RAB21: variants seen among roughly 807,000 people sequenced by gnomAD.
RAB21 encodes the protein ras-related protein Rab-21.
Under a neutral mutation model 33.1 loss-of-function variants are expected in RAB21, and 13 were observed. The observed-to-expected ratio is 0.39, with a 90% CI of 0.26 to 0.62. The LOEUF is 0.62. Among genes scored for constraint, RAB21 ranks in the 20% least tolerant of loss-of-function variants. The pLI is 0.48. For missense variants in RAB21, 234 were observed against 279.1 expected (o/e 0.84, Z 1.15); for synonymous variants, 91 against 103.7 (o/e 0.88, Z 0.74).
chr12:71,758,547 T>C (rs962282339), intron 1 of RAB21, among the ~76,000 whole-genome samples: 4 of 151,864 alleles, frequency 2.6e-5, no homozygotes, highest in African/African-American at 9.7e-5. Flanking sequence ...AGTGGTGATA[T>C]CATAGCTGCC....
chr12:71,767,566 G>T (rs1040931878), intron 1 of RAB21, among the ~76,000 whole-genome samples: 1 of 152,032 alleles, frequency 6.6e-6, no homozygotes, highest in African/African-American at 2.4e-5. Flanking sequence ...CATGCAGAGC[G>T]GGGTGTAAGG....
At chr12:71,756,145 G>A (rs1882782551) in intron 1 of RAB21, among the ~76,000 whole-genome samples, 3 of 152,100 alleles carry the variant, frequency 2.0e-5, no homozygotes, top group African/African-American at 7.2e-5. Context: ...TACCAATTTG[G>A]TCAAAGGCAG....
At chr12:71,782,312 T>A (rs1199333661) in intron 5 of RAB21, 1 of 551,010 alleles carries the variant, frequency 1.8e-6, no homozygotes, top group African/African-American at 1.9e-5. Context: ...AAAACTATCA[T>A]GATCAAATAG....
At chr12:71,759,371 C>T (rs1279422323) in intron 1 of RAB21, among the ~76,000 whole-genome samples, 2 of 152,200 alleles carry the variant, frequency 1.3e-5, no homozygotes, top group South Asian at 2.1e-4. Context: ...TTATTAAAGA[C>T]TATGAAAGAA....
intron 1 of RAB21, among the ~76,000 whole-genome samples, chr12:71,759,506 G>A (rs1436792062): frequency 6.6e-6 from 1 of 152,208 alleles, no homozygotes; most frequent in Non-Finnish European, 1.5e-5. Flanking sequence ...GGCCATGCAT[G>A]GGCCACAGGC....
At chr12:71,777,363 G>A (rs555195761) in intron 4 of RAB21, among the ~76,000 whole-genome samples, 1 of 152,144 alleles carries the variant, frequency 6.6e-6, no homozygotes, top group African/African-American at 2.4e-5. Context: ...CCTTTATGTT[G>A]TATATAGTTG....
intron 6 of RAB21, 38 bp from the exon 7 acceptor site, chr12:71,785,493 T>C: frequency 6.2e-7 from 1 of 1,605,150 alleles, no homozygotes; most frequent in Non-Finnish European, 8.5e-7. Flanking sequence ...AACACAAATA[T>C]TGTGGTCCTA....
Position 71,794,143 on chromosome 12 carries a change from G to A in RAB21, c.*8470G>A, listed in dbSNP as rs533332222. ...AGGCTGAGATGGGAGGATTGCTTGA[G>A]CCTGGGAGTTAGAGGATGCAATGAG... On this transcript the variant is annotated 3_prime_UTR_variant, in exon 7 of 7. Transcript: ENST00000261263. 6.6e-6 allele frequency: 1 copy of A among 152,042 alleles called. No homozygotes were observed. Among genetic ancestry groups the A allele is most frequent in the South Asian group, 2.1e-4 (1 of 4,810 alleles). The allele number at this position is 152,042 out of a possible 1,614,324, so 9.4% of individuals were successfully genotyped here.
At chr12:71,763,087 T>C (rs982512549) in intron 1 of RAB21, among the ~76,000 whole-genome samples, 3 of 111,290 alleles carry the variant, frequency 2.7e-5, no homozygotes, top group African/African-American at 8.7e-5. Context: ...CTAGCAAGAA[T>C]ATTTATTTTG....
At chr12:71,769,917 T>TA in intron 2 of RAB21, 58 bp downstream of exon 2, 1 of 929,452 alleles carries the variant, frequency 1.1e-6, no homozygotes, top group Non-Finnish European at 1.5e-6. Flanking sequence ...TCTTTTTTTT[T>TA]AAAGTTAATT....
At position 71,790,332 on chromosome 12, in the gene RAB21, C is replaced by A. The variant is rs948993921; in HGVS notation, c.*4659C>A. ...CTTTCTGGCAACTGTATCATCTCTT[C>A]ACTATCACGTATTTTAAGAAAAAGC... On this transcript the variant is annotated 3_prime_UTR_variant, in exon 7 of 7. Transcript: ENST00000261263. The A allele has an allele frequency of 1.3e-5, 2 of 152,194 alleles. No homozygotes were observed. The highest frequency in any genetic ancestry group is 2.9e-5 in the Non-Finnish European group (2 of 68,030). The allele number at this position is 152,194 out of a possible 1,614,324, so 9.4% of individuals were successfully genotyped here. A position where few individuals can be genotyped will look rare whatever the true frequency, so the allele number is the denominator to read the frequency against.
intron 3 of RAB21, among the ~76,000 whole-genome samples, chr12:71,773,018 G>A (rs1883066534): frequency 6.6e-6 from 1 of 152,222 alleles, no homozygotes; most frequent in African/African-American, 2.4e-5. Context: ...GGAATTTACA[G>A]ATATATGTGT....
At chr12:71,764,568 C>A (rs577485051) in intron 1 of RAB21, among the ~76,000 whole-genome samples, 8 of 152,196 alleles carry the variant, frequency 5.3e-5, no homozygotes, top group Non-Finnish European at 7.4e-5. Flanking sequence ...GAGCAGTGTA[C>A]ACCATATTCA....
rs1438514871 is a variant in RAB21 at position 71,797,620 on chromosome 12, T to A, written c.*11947T>A. The A allele has an allele frequency of 2.3e-5, 3 of 127,740 alleles. No homozygotes were observed. In the South Asian group the frequency reaches 7.7e-4, roughly 33 times the overall value. 7.9% of individuals were successfully genotyped at this position (127,740 alleles called of 1,614,324 possible). On this transcript the variant is annotated 3_prime_UTR_variant, in exon 7 of 7. Transcript: ENST00000261263. Reference sequence around the variant, plus strand: ...TAGATCGCTGATTCCAAAGTTTCTTTGAGGAAAAAAAAAAAAAAAAGCAAG... The same window carrying A: ...TAGATCGCTGATTCCAAAGTTTCTTAGAGGAAAAAAAAAAAAAAAAGCAAG...
At position 71,791,972 on chromosome 12, in the gene RAB21, C is replaced by G. The variant is rs1294051203; in HGVS notation, c.*6299C>G. 3 of 152,184 alleles carry G rather than the reference C, an allele frequency of 2.0e-5. No individual in the cohort carries two copies. The highest frequency in any genetic ancestry group is 4.4e-5 in the Non-Finnish European group (3 of 68,058). The allele number at this position is 152,184 out of a possible 1,614,324, so 9.4% of individuals were successfully genotyped here. ...CTCAAACTCCTGGGCTTAAGCAATC[C>G]TCCCACCTCAGACTTCGAAGTAGCT... is the stretch of plus-strand genomic sequence containing the variant. On this transcript the variant is annotated 3_prime_UTR_variant, in exon 7 of 7. Transcript: ENST00000261263.
At chr12:71,778,519 C>G (rs978867907) in intron 4 of RAB21, among the ~76,000 whole-genome samples, 1 of 152,162 alleles carries the variant, frequency 6.6e-6, no homozygotes, top group Non-Finnish European at 1.5e-5. Context: ...GATTTTAACT[C>G]AGATCTGCCT....
chr12:71,773,831 T>C (rs1883078526), intron 3 of RAB21, 128 bp from the exon 4 acceptor site: 7 of 625,868 alleles, frequency 1.1e-5, no homozygotes, highest in African/African-American at 1.9e-5. Flanking sequence ...GAATCATTTC[T>C]AGTAATAACT....
Position 71,785,802 on chromosome 12 carries a change from C to G in RAB21, c.*129C>G. ...ATAGAATTAACAGTATTTTAAATTA[C>G]GTTTATAACACTGCAGAGACCTTAA... On this transcript the variant is annotated 3_prime_UTR_variant, in exon 7 of 7. Coordinates refer to ENST00000261263, the MANE Select transcript of RAB21 (RefSeq NM_014999.4). 9.0e-7 allele frequency: 1 copy of G among 1,115,814 alleles called. No individual in the cohort carries two copies. Among genetic ancestry groups the G allele is most frequent in the Non-Finnish European group, 1.3e-6 (1 of 781,868 alleles). 69.1% of individuals were successfully genotyped at this position (1,115,814 alleles called of 1,614,324 possible).
intron 2 of RAB21, 98 bp downstream of exon 2, chr12:71,769,957 T>TTA: frequency 2.0e-6 from 1 of 510,626 alleles, no homozygotes; most frequent in Non-Finnish European, 3.2e-6. Context: ...TTTTTTTTTT[T>TTA]AATTAAAAAG....
Sources: gnomAD v4.1 joint callset for allele counts (sites outside exome capture counted in the v4.1 genomes callset) on GRCh38, gnomAD v4.1.1 for gene constraint, MANE v1.5 for transcripts, NCBI Gene and HGNC (gene_info 2026-07-23, HGNC 2026-07-21) for gene names.